FSHR: variants seen among roughly 807,000 people sequenced by gnomAD.
FSHR encodes the protein follicle stimulating hormone receptor, also known as follicle-stimulating hormone receptor.
Under a neutral mutation model 52.1 loss-of-function variants are expected in FSHR, and 46 were observed. That is an observed-to-expected ratio of 0.88 (90% CI 0.70 to 1.13). FSHR has a LOEUF of 1.13. Ranked by LOEUF, FSHR falls within the 50% of genes most tolerant of loss-of-function variation. The probability of loss-of-function intolerance (pLI) is 0.00; values close to 1 mark genes in which losing one functional copy is unlikely to be tolerated. For synonymous variants in FSHR, 399 were observed against 309.6 expected (o/e 1.29, Z -3.03); for missense variants, 964 against 834.6 (o/e 1.16, Z -1.91).
chr2:48,998,533 G>A (rs1249184237), intron 4 of FSHR, among the ~76,000 whole-genome samples: 1 of 151,966 alleles, frequency 6.6e-6, no homozygotes, highest in Non-Finnish European at 1.5e-5. Context: ...TTCAGCTGGT[G>A]TATTTTTTCC....
intron 8 of FSHR, among the ~76,000 whole-genome samples, chr2:48,979,811 G>A (rs1002487365): frequency 1.3e-5 from 2 of 151,914 alleles, no homozygotes; most frequent in East Asian, 3.9e-4. Context: ...GTCTTTGTGT[G>A]TGTGTGTGTG....
chr2:49,144,203 C>T (rs1484062576), intron 1 of FSHR, among the ~76,000 whole-genome samples: 7 of 152,228 alleles, frequency 4.6e-5, no homozygotes, highest in Non-Finnish European at 8.8e-5. Context: ...ATTCAACCAG[C>T]CCAAGTCAAG....
At chr2:49,121,363 T>C (rs1302211590) in intron 1 of FSHR, among the ~76,000 whole-genome samples, 1 of 152,202 alleles carries the variant, frequency 6.6e-6, no homozygotes, top group Non-Finnish European at 1.5e-5. Context: ...CCAAATAAGA[T>C]AATGCCAAAG....
At chr2:49,113,762 A>C (rs1204001368) in intron 1 of FSHR, among the ~76,000 whole-genome samples, 1 of 152,150 alleles carries the variant, frequency 6.6e-6, no homozygotes. Flanking sequence ...ACTGTGCCAA[A>C]AAGGACACTT....
At chr2:48,970,773 A>C (rs1009087250) in intron 8 of FSHR, among the ~76,000 whole-genome samples, 6 of 152,104 alleles carry the variant, frequency 3.9e-5, no homozygotes, top group African/African-American at 1.4e-4. Flanking sequence ...TCTTGTAAAT[A>C]TGTTCCTCCT....
intron 8 of FSHR, among the ~76,000 whole-genome samples, chr2:48,977,123 CCTCTCTCT>C (rs10558428): frequency 1.3e-5 from 2 of 149,452 alleles, no homozygotes; most frequent in Non-Finnish European, 3.0e-5. Flanking sequence ...AATCCCCTCT[CCTCTCTCT>C]CTCTCTCTCT....
At chr2:49,020,777 C>T (rs1667665293) in intron 2 of FSHR, among the ~76,000 whole-genome samples, 1 of 152,190 alleles carries the variant, frequency 6.6e-6, no homozygotes, top group South Asian at 2.1e-4. Flanking sequence ...ATGAGAACTT[C>T]AATCCAGTCT....
intron 2 of FSHR, among the ~76,000 whole-genome samples, chr2:49,031,137 G>A (rs1460662788): frequency 6.6e-6 from 1 of 152,146 alleles, no homozygotes; most frequent in African/African-American, 2.4e-5. Context: ...AAAACTTAGA[G>A]AGTAGCAACA....
At chr2:49,004,466 C>A (rs571932579) in intron 4 of FSHR, among the ~76,000 whole-genome samples, 1 of 152,272 alleles carries the variant, frequency 6.6e-6, no homozygotes, top group Admixed American at 6.5e-5. Context: ...CAGGGCCCCT[C>A]GTGTGGGGCC....
chr2:48,982,882 T>C (rs1418059388), intron 8 of FSHR, 30 bp downstream of exon 8: 1 of 1,579,466 alleles, frequency 6.3e-7, no homozygotes, highest in Admixed American at 1.7e-5. Context: ...AACTGAGCTC[T>C]TACACACAGA....
chr2:49,055,315 CT>C (rs1166297439), intron 2 of FSHR, among the ~76,000 whole-genome samples: 1 of 151,162 alleles, frequency 6.6e-6, no homozygotes, highest in East Asian at 1.9e-4. Flanking sequence ...GAAGACAGGT[CT>C]TTTGAAAGAA....
At chr2:49,042,331 G>A (rs1252890952) in intron 2 of FSHR, among the ~76,000 whole-genome samples, 2 of 152,074 alleles carry the variant, frequency 1.3e-5, no homozygotes, top group Admixed American at 1.3e-4. Flanking sequence ...AACCAAACCA[G>A]ACTAGATAAC....
At chr2:49,092,394 G>T (rs894256991) in intron 1 of FSHR, among the ~76,000 whole-genome samples, 15 of 152,054 alleles carry the variant, frequency 9.9e-5, no homozygotes, top group Non-Finnish European at 2.2e-4. Flanking sequence ...CCTAGCAAAG[G>T]CTTCTAGTAC....
chr2:49,022,955 G>T (rs1309841864), intron 2 of FSHR, among the ~76,000 whole-genome samples: 1 of 152,084 alleles, frequency 6.6e-6, no homozygotes, highest in Non-Finnish European at 1.5e-5. Flanking sequence ...TCTTGACTGG[G>T]GCCTGAGGTC....
chr2:49,151,173 G>T (rs1400452784), intron 1 of FSHR, among the ~76,000 whole-genome samples: 1 of 143,232 alleles, frequency 7.0e-6, no homozygotes, highest in African/African-American at 2.7e-5. Context: ...AATAAGAAAG[G>T]TATAGAGTCA....
chr2:49,003,202 T>A (rs144823363), intron 4 of FSHR, among the ~76,000 whole-genome samples: 3 of 152,294 alleles, frequency 2.0e-5, no homozygotes, highest in Non-Finnish European at 4.4e-5. Context: ...CACTCTGTGA[T>A]GCCCCAAGAT....
intron 8 of FSHR, among the ~76,000 whole-genome samples, chr2:48,976,852 G>A (rs776195822): frequency 1.7e-4 from 26 of 151,986 alleles, no homozygotes; most frequent in Non-Finnish European, 3.2e-4. Flanking sequence ...TTTTTATTGT[G>A]TTTATTTGAT....
At chr2:49,079,401 A>G (rs964789888) in intron 1 of FSHR, among the ~76,000 whole-genome samples, 28 of 152,270 alleles carry the variant, frequency 1.8e-4, no homozygotes, top group African/African-American at 5.8e-4. Flanking sequence ...TGGCTGATTA[A>G]TAGTTATATG....
chr2:48,988,291 G>C (rs905752783), intron 6 of FSHR, among the ~76,000 whole-genome samples: 2 of 152,118 alleles, frequency 1.3e-5, no homozygotes, highest in African/African-American at 4.8e-5. Flanking sequence ...TCTTACAGAT[G>C]TAAGTGCAAT....
Sources: gnomAD v4.1 joint callset for allele counts (sites outside exome capture counted in the v4.1 genomes callset) on GRCh38, gnomAD v4.1.1 for gene constraint, MANE v1.5 for transcripts, NCBI Gene and HGNC (gene_info 2026-07-23, HGNC 2026-07-21) for gene names.